Variants in MMP11 observed in about 807,000 individuals in gnomAD.
MMP11 encodes stromelysin-3.
MMP11 carries 26 observed loss-of-function variants against 49.5 expected under a neutral mutation model. The observed-to-expected ratio is 0.52, with a 90% CI of 0.38 to 0.73. The LOEUF is 0.73. Among genes scored for constraint, MMP11 ranks in the 30% least tolerant of loss-of-function variants. The probability of loss-of-function intolerance (pLI) is 0.00; values close to 1 mark genes in which losing one functional copy is unlikely to be tolerated. For missense variants in MMP11, 624 were observed against 671.2 expected, an observed-to-expected ratio of 0.93 and a Z score of 0.78; for synonymous variants, 265 against 282.3, an observed-to-expected ratio of 0.94 and a Z score of 0.62.
chr22:23,782,143 G>T (rs1193409479), intron 6 of MMP11, 83 bp from the exon 7 acceptor site: 8 of 1,549,946 alleles, frequency 5.2e-6, no homozygotes, highest in Non-Finnish European at 7.0e-6. Context: ...GGGAGAGTCT[G>T]TGGTAGGGGT....
rs1489145707 is a variant in MMP11, at chr22:23,780,699, T to C, written c.600T>C (p.Thr200=). The part of the protein sequence containing the change: ...DVHFDYDETW[T]IGDDQGTDLL... Reference sequence around the variant, plus strand: ...ACTTCGACTATGATGAGACCTGGACTATCGGGGATGACCAGGGTATGGGCT... The same window carrying C: ...ACTTCGACTATGATGAGACCTGGACCATCGGGGATGACCAGGGTATGGGCT... Residue 200 remains threonine, a synonymous_variant, in exon 4 of 8, where the codon ACT becomes ACC. Coordinates refer to ENST00000215743, the MANE Select transcript of MMP11 (RefSeq NM_005940.5). This position sits in a 1 kb window ranked among gnomAD's most constrained non-coding sequence, Gnocchi z 4.6. The C allele has an allele frequency of 2.6e-6, 4 of 1,557,004 alleles. No individual in the cohort carries two copies. In the African/African-American group the frequency reaches 4.1e-5, roughly 16 times the overall value.
At position 23,781,273 on chromosome 22, in the gene MMP11, G is replaced by A. The variant is rs1927621094; in HGVS notation, c.939G>A (p.Ala313=). 7 of 1,611,948 alleles carry A rather than the reference G, an allele frequency of 4.3e-6. No individual in the cohort carries two copies. Among genetic ancestry groups the A allele is most frequent in the Admixed American group, 1.7e-5 (1 of 60,010 alleles). Residue 313 remains alanine (A), a synonymous_variant, in exon 6 of 8, where the codon GCG becomes GCA. Coordinates refer to ENST00000215743, the MANE Select transcript of MMP11 (RefSeq NM_005940.5). ...GAGGCGAGCTCTTTTTCTTCAAAGC[G>A]GGCTTTGTGTGGCGCCTCCGTGGGG... ...TIRGELFFFK[A]GFVWRLRGGQ...
intron 1 of MMP11, among the ~76,000 whole-genome samples, chr22:23,773,771 C>G (rs1361960865): frequency 6.6e-6 from 1 of 152,204 alleles, no homozygotes; most frequent in Non-Finnish European, 1.5e-5. Flanking sequence ...GTCACAGGGC[C>G]TGGGGCCAGA....
At position 23,783,429 on chromosome 22, in the gene MMP11, G is replaced by A. The variant is rs776950374; in HGVS notation, c.1352G>A (p.Arg451His). The A allele has an allele frequency of 1.6e-5, 26 of 1,614,012 alleles. No individual in the cohort carries two copies. Among genetic ancestry groups the A allele is most frequent in the Non-Finnish European group, 2.1e-5 (25 of 1,180,016 alleles). Residue 451 changes from arginine (R) to histidine (H), a missense_variant, in exon 8 of 8, where the codon CGC (arginine) becomes CAC (histidine). By Grantham distance (29) the Arg-to-His change is conservative. Coordinates refer to ENST00000215743, the MANE Select transcript of MMP11 (RefSeq NM_005940.5). ...QDADGYAYFL[R>H]GRLYWKFDPV... is the part of the protein sequence containing the mutation. Reference sequence around the variant, plus strand: ...TTCTCAGGCTATGCCTACTTCCTGCGCGGCCGCCTCTACTGGAAGTTTGAC... The same window carrying A: ...TTCTCAGGCTATGCCTACTTCCTGCACGGCCGCCTCTACTGGAAGTTTGAC...
chr22:23,776,809 C>CTTT (rs539828847), intron 1 of MMP11, among the ~76,000 whole-genome samples: 3 of 139,014 alleles, frequency 2.2e-5, no homozygotes, highest in Non-Finnish European at 4.7e-5. Flanking sequence ...GTGCTAAGTA[C>CTTT]TTTTTTTTTT....
rs1440193270 is a variant in MMP11, at chr22:23,780,040, G to GA, written c.339-317dup. 6 of 398,774 alleles carry GA rather than the reference G, an allele frequency of 1.5e-5. No individual in the cohort carries two copies. The highest frequency in any genetic ancestry group is 1.5e-4 in the Admixed American group (4 of 27,484). 24.7% of individuals were successfully genotyped at this position (398,774 alleles called of 1,614,324 possible). On this transcript the variant is annotated intron_variant, in intron 2 of 7. Coordinates refer to ENST00000215743, the MANE Select transcript of MMP11 (RefSeq NM_005940.5). The surrounding 1 kb of genome is among the most constrained non-coding windows in gnomAD (Gnocchi z 4.6). The stretch of plus-strand genomic sequence containing the variant: ...TAGAATTTCCTAGGTGGGGGCCTGG[G>GA]AACCAACAGGGGCTCAAGGAACCAA...
rs1367281177 is a variant in MMP11 at position 23,781,081 on chromosome 22, A to G, written c.839A>G (p.Asn280Ser). The change falls in exon 5 of 8, where the codon AAT becomes AGT. Residue 280 changes from asparagine (N) to serine (S), a missense_variant. Asn to Ser is a conservative substitution (Grantham distance 46). Transcript: ENST00000215743. Reference sequence around the variant, plus strand: ...GGCCCCCAGGCTGGGATAGACACCAATGAGATTGCACCGCTGGAGGTGAGG... The same window carrying G: ...GGCCCCCAGGCTGGGATAGACACCAGTGAGATTGCACCGCTGGAGGTGAGG... The part of the protein sequence containing the change: ...ALGPQAGIDT[N>S]EIAPLEPDAP... The G allele has an allele frequency of 1.5e-5, 24 of 1,608,672 alleles. No individual in the cohort carries two copies. Among genetic ancestry groups the G allele is most frequent in the South Asian group, 2.2e-5 (2 of 91,062 alleles).
rs28382573 is a variant in MMP11, at chr22:23,783,185, G to T, written c.1334-226G>T. Among the ~76,000 whole-genome samples the T allele has an allele frequency of 4.9e-3, 751 of 152,274 alleles. 7 individuals carry two copies. The highest frequency in any genetic ancestry group is 0.017 in the African/African-American group (702 of 41,556). ...CTCTGAGGCTCTGGGTACCTGTCAG[G>T]CTGGGTATTAGCCCAGCCCAGATTC... On this transcript the variant is annotated intron_variant, in intron 7 of 7. Transcript: ENST00000215743.
In MMP11 at chr22:23,780,864, G is replaced by T; in HGVS notation, c.622G>T (p.Asp208Tyr). The T allele has an allele frequency of 6.2e-7, 1 of 1,613,202 alleles. No individual in the cohort carries two copies. Among genetic ancestry groups the T allele is most frequent in the South Asian group, 1.1e-5 (1 of 90,972 alleles). ...GAGCCACCTCCCTTTTTCAGGCACA[G>T]ACCTGCTGCAGGTGGCAGCCCATGA... The part of the protein sequence containing the change: ...TWTIGDDQGT[D>Y]LLQVAAHEFG... Residue 208 changes from aspartate (D) to tyrosine (Y), a missense_variant, in exon 5 of 8, where the codon GAC becomes TAC. Physicochemically the swap from Asp to Tyr is radical, Grantham distance 160. Coordinates refer to ENST00000215743, the MANE Select transcript of MMP11 (RefSeq NM_005940.5). The surrounding 1 kb of genome is among the most constrained non-coding windows in gnomAD (Gnocchi z 4.6).
intron 2 of MMP11, chr22:23,779,715 AC>A: frequency 2.1e-6 from 1 of 473,732 alleles, no homozygotes; most frequent in Non-Finnish European, 3.8e-6. Context: ...TTTACAAGAG[AC>A]CTGTGAGGAC....
intron 1 of MMP11, among the ~76,000 whole-genome samples, chr22:23,773,372 G>A (rs1176321783): frequency 6.6e-6 from 1 of 152,218 alleles, no homozygotes; most frequent in African/African-American, 2.4e-5. Context: ...CAGCCTGCAG[G>A]TGTGTGGCCG....
At chr22:23,781,539 C>G (rs1045197680) in intron 6 of MMP11, 130 bp downstream of exon 6, 7 of 873,198 alleles carry the variant, frequency 8.0e-6, no homozygotes, top group Admixed American at 2.5e-5. Context: ...GCCTGGGGGC[C>G]GAGGGAGAGA....
At chr22:23,774,810 C>T (rs1470050802) in intron 1 of MMP11, among the ~76,000 whole-genome samples, 3 of 152,274 alleles carry the variant, frequency 2.0e-5, no homozygotes, top group Middle Eastern at 3.4e-3. Context: ...GCACAATGAG[C>T]CCAGCCTTTC....
In MMP11 at chr22:23,781,060, C is replaced by G. The variant is rs1223891706; in HGVS notation, c.818C>G (p.Pro273Arg). 6.2e-7 allele frequency: 1 copy of G among 1,610,624 alleles called. No individual in the cohort carries two copies. The highest frequency in any genetic ancestry group is 1.1e-5 in the South Asian group (1 of 91,088). The stretch of plus-strand genomic sequence containing the variant: ...ACCTCCAGGACCCCAGCCCTGGGCC[C>G]CCAGGCTGGGATAGACACCAATGAG... ...TVTSRTPALG[P>R]QAGIDTNEIA... The change falls in exon 5 of 8, where the codon CCC becomes CGC. Residue 273 changes from proline (P) to arginine (R), a missense_variant. Coordinates refer to ENST00000215743, the MANE Select transcript of MMP11 (RefSeq NM_005940.5).
chr22:23,781,957 G>A (rs1927650268), intron 6 of MMP11: 2 of 679,038 alleles, frequency 2.9e-6, no homozygotes, highest in African/African-American at 1.8e-5. Context: ...CCAAATGCCA[G>A]TGGAAGGAGC....
rs1355313081 is a variant in MMP11 at position 23,780,702 on chromosome 22, C to T, written c.603C>T (p.Ile201=). The stretch of plus-strand genomic sequence containing the variant: ...TCGACTATGATGAGACCTGGACTAT[C>T]GGGGATGACCAGGGTATGGGCTGGG... The part of the protein sequence containing the change: ...VHFDYDETWT[I]GDDQGTDLLQ... Residue 201 remains isoleucine, a synonymous_variant, in exon 4 of 8, where the codon ATC becomes ATT. Coordinates refer to ENST00000215743, the MANE Select transcript of MMP11 (RefSeq NM_005940.5). The surrounding 1 kb of genome is among the most constrained non-coding windows in gnomAD (Gnocchi z 4.6). The T allele has an allele frequency of 5.8e-6, 9 of 1,556,068 alleles. No homozygotes were observed. Among genetic ancestry groups the T allele is most frequent in the South Asian group, 1.2e-5 (1 of 82,186 alleles).
Position 23,772,953 on chromosome 22 carries a change from CG to C in MMP11, c.84del (p.Leu29CysfsTer61). 2 of 1,213,362 alleles carry C rather than the reference CG, an allele frequency of 1.6e-6. No individual in the cohort carries two copies. The highest frequency in any genetic ancestry group is 6.2e-5 in the South Asian group (2 of 32,394). 75.2% of individuals were successfully genotyped at this position (1,213,362 alleles called of 1,614,324 possible). On this transcript the variant is annotated frameshift_variant, in exon 1 of 8. Transcript: ENST00000215743. LOFTEE classifies it high-confidence loss of function. ...PMLLLLLQPP[P>X]LLARALPPDA... ...CTGCTGCTGCTGCTCCAGCCGCCGC[CG>C]CTGCTGGCCCGGGCTCTGCCGCCGG...
chr22:23,775,156 C>G (rs1927366349), intron 1 of MMP11, among the ~76,000 whole-genome samples: 1 of 152,198 alleles, frequency 6.6e-6, no homozygotes. Flanking sequence ...GGGGGAAGCC[C>G]TGGAGGTGGG....
At chr22:23,777,420 AG>A (rs1470590430) in intron 1 of MMP11, among the ~76,000 whole-genome samples, 2 of 152,046 alleles carry the variant, frequency 1.3e-5, no homozygotes, top group Non-Finnish European at 2.9e-5. Context: ...CAAAAAAATT[AG>A]CCGGGCATGG....
Sources: allele counts gnomAD v4.1 joint callset (sites outside exome capture counted in the v4.1 genomes callset), GRCh38; gene constraint gnomAD v4.1.1; non-coding constraint Gnocchi (gnomAD v3.1); transcripts MANE v1.5; gene names NCBI Gene and HGNC (gene_info 2026-07-23, HGNC 2026-07-21).